The following NRXN1 variants were observed in gnomAD, a reference collection of about 807,000 sequenced individuals.
The protein encoded by NRXN1 is neurexin-1.
NRXN1 carries 39 observed loss-of-function variants against 150.9 expected under a neutral mutation model. The ratio of observed to expected loss-of-function variants is 0.26; its 90% CI spans 0.20 to 0.34. NRXN1 has a LOEUF of 0.34. NRXN1 is among the 10% of genes least tolerant of loss of function. NRXN1 has a pLI of 1.00. For synonymous variants in NRXN1, 924 were observed against 757.0 expected, an observed-to-expected ratio of 1.22 and a Z score of -3.62; for missense variants, 1,815 against 1,949.9, an observed-to-expected ratio of 0.93 and a Z score of 1.30.
chr2:50,979,338 C>G, intron 2 of NRXN1: 1 of 505,078 alleles, frequency 2.0e-6, no homozygotes, highest in South Asian at 1.5e-5. Flanking sequence ...TCCCTATTCT[C>G]AGCACAGTAT....
At chr2:50,158,572 T>C (rs1558996578) in intron 18 of NRXN1, among the ~76,000 whole-genome samples, 1 of 152,052 alleles carries the variant, frequency 6.6e-6, no homozygotes, top group Non-Finnish European at 1.5e-5. Flanking sequence ...AAATGTCTAA[T>C]TGATGAATAC....
intron 5 of NRXN1, among the ~76,000 whole-genome samples, chr2:50,695,701 C>T (rs1003232693): frequency 1.3e-5 from 2 of 152,048 alleles, no homozygotes; most frequent in African/African-American, 4.8e-5. Context: ...TAAATGTCGA[C>T]GTGCTATAGT....
chr2:51,023,853 T>C (rs1050711096), intron 2 of NRXN1, among the ~76,000 whole-genome samples: 1 of 152,192 alleles, frequency 6.6e-6, no homozygotes. Flanking sequence ...AAGCAGGAGC[T>C]TTCTTAAGTC....
At chr2:50,528,844 G>T in intron 11 of NRXN1, 193 bp from the exon 12 acceptor site, 1 of 479,786 alleles carries the variant, frequency 2.1e-6, no homozygotes. Flanking sequence ...AACAACAATA[G>T]AAGGTTTTAA....
intron 17 of NRXN1, among the ~76,000 whole-genome samples, chr2:50,269,535 C>A (rs2069306339): frequency 6.6e-6 from 1 of 152,136 alleles, no homozygotes; most frequent in Non-Finnish European, 1.5e-5. Flanking sequence ...TGACTTTAAT[C>A]TGACTTTTTA....
At chr2:50,351,803 C>A (rs2078431146) in intron 17 of NRXN1, among the ~76,000 whole-genome samples, 1 of 152,116 alleles carries the variant, frequency 6.6e-6, no homozygotes, top group African/African-American at 2.4e-5. Context: ...GAGGTGGGTG[C>A]TGTCGTTGAA....
rs116376244 is a variant in NRXN1, at chr2:50,247,250, G to A, written c.3365-10280C>T. On this transcript the variant is annotated intron_variant, in intron 17 of 22. Coordinates refer to ENST00000401669, the MANE Select transcript of NRXN1 (RefSeq NM_001330078.2). ...AGAAATAAGTATTATGAAGAGACAT[G>A]GGACTCCTCAACCTGGTAATGGTGA... Among the ~76,000 whole-genome samples the A allele has an allele frequency of 3.2e-3, 492 of 152,166 alleles. 1 individual carries two copies. Among genetic ancestry groups the A allele is most frequent in the African/African-American group, 0.011 (460 of 41,528 alleles).
At chr2:50,759,993 G>A (rs909369421) in intron 5 of NRXN1, among the ~76,000 whole-genome samples, 2 of 151,702 alleles carry the variant, frequency 1.3e-5, no homozygotes, top group South Asian at 2.1e-4. Flanking sequence ...GCTGCCCCTC[G>A]GAGAATTACA....
At chr2:50,620,987 C>G in intron 7 of NRXN1, 1 of 448,142 alleles carries the variant, frequency 2.2e-6, no homozygotes, top group East Asian at 3.4e-5. Context: ...GCAAAACGTT[C>G]GAAACGTTAA....
chr2:50,166,145 C>T lies in NRXN1; in HGVS notation c.3546+70644G>A, dbSNP rs534358582. Among the ~76,000 whole-genome samples, 10 of 152,218 alleles carry T rather than the reference C, an allele frequency of 6.6e-5. No homozygotes were observed. The East Asian group carries it at 1.9e-3, about 29-fold the overall frequency. On this transcript the variant is annotated intron_variant, in intron 18 of 22. Coordinates refer to ENST00000401669, the MANE Select transcript of NRXN1 (RefSeq NM_001330078.2). ...CACTCAAAAGAAATGCTCATTGAAACATTTTGGATTTTGGATTTTCAGATT... is the reference window on the plus strand; with the variant it reads ...CACTCAAAAGAAATGCTCATTGAAATATTTTGGATTTTGGATTTTCAGATT...
chr2:50,049,417 C>T (rs1218470279), intron 21 of NRXN1, among the ~76,000 whole-genome samples: 1 of 152,098 alleles, frequency 6.6e-6, no homozygotes. Context: ...GGCCAAAGTA[C>T]AATGATGTGA....
At chr2:51,024,433 C>T (rs1420948201) in intron 2 of NRXN1, among the ~76,000 whole-genome samples, 2 of 152,030 alleles carry the variant, frequency 1.3e-5, no homozygotes, top group African/African-American at 4.8e-5. Context: ...TCTTATTTGC[C>T]AGACGTCAAG....
At chr2:50,485,567 G>A (rs2090810729) in intron 15 of NRXN1, among the ~76,000 whole-genome samples, 1 of 152,204 alleles carries the variant, frequency 6.6e-6, no homozygotes, top group Non-Finnish European at 1.5e-5. Context: ...GGAAATGAGA[G>A]CATTGGGAAT....
intron 17 of NRXN1, among the ~76,000 whole-genome samples, chr2:50,263,647 C>T (rs1486075849): frequency 6.6e-6 from 1 of 151,986 alleles, no homozygotes; most frequent in East Asian, 1.9e-4. Flanking sequence ...GATTTGACCA[C>T]TGAAGGTGAA....
At chr2:50,061,146 T>G (rs1398476561) in intron 19 of NRXN1, among the ~76,000 whole-genome samples, 1 of 152,244 alleles carries the variant, frequency 6.6e-6, no homozygotes, top group Non-Finnish European at 1.5e-5. Context: ...ATGTATTTTA[T>G]TTCTTTACAA....
chr2:50,544,411 T>C (rs140529046), intron 9 of NRXN1, among the ~76,000 whole-genome samples: 37 of 152,210 alleles, frequency 2.4e-4, no homozygotes, highest in African/African-American at 7.5e-4. Context: ...ATGTTATCTA[T>C]GAGGTTTTTA....
In NRXN1 at chr2:50,679,846, G is replaced by A. The variant is rs534082474; in HGVS notation, c.833-56231C>T. Reference sequence around the variant, plus strand: ...CTCTAAACATCACCTCAAGAATTCAGTAGAGGCCAGGTGCAGTGGCTCACA... The same window carrying A: ...CTCTAAACATCACCTCAAGAATTCAATAGAGGCCAGGTGCAGTGGCTCACA... On this transcript the variant is annotated intron_variant, in intron 5 of 22. Coordinates refer to ENST00000401669, the MANE Select transcript of NRXN1 (RefSeq NM_001330078.2). Among the ~76,000 whole-genome samples, 18 of 152,072 alleles carry A rather than the reference G, an allele frequency of 1.2e-4. No individual in the cohort carries two copies. In the East Asian group the frequency reaches 2.7e-3, roughly 23 times the overall value.
At chr2:50,716,171 T>C (rs1157623412) in intron 5 of NRXN1, among the ~76,000 whole-genome samples, 3 of 152,316 alleles carry the variant, frequency 2.0e-5, no homozygotes, top group Admixed American at 6.5e-5. Flanking sequence ...AAAAATAATA[T>C]TACATTCCAA....
chr2:50,909,483 G>A (rs894436442), intron 5 of NRXN1, among the ~76,000 whole-genome samples: 1 of 151,942 alleles, frequency 6.6e-6, no homozygotes, highest in African/African-American at 2.4e-5. Context: ...GATTGTGGTA[G>A]ACTTCACAAT....
Sources: gnomAD v4.1 joint callset for allele counts (sites outside exome capture counted in the v4.1 genomes callset) on GRCh38, gnomAD v4.1.1 for gene constraint, MANE v1.5 for transcripts, NCBI Gene and HGNC (gene_info 2026-07-23, HGNC 2026-07-21) for gene names.